Variants in SPATA7 observed in about 807,000 individuals in gnomAD.
SPATA7 encodes the protein spermatogenesis-associated protein 7.
SPATA7 carries 43 observed loss-of-function variants against 51.8 expected under a neutral mutation model. The observed-to-expected ratio is 0.83, with a 90% CI of 0.65 to 1.07. The LOEUF is 1.07. Among genes scored for constraint, SPATA7 ranks in the 50% least tolerant of loss-of-function variants. The pLI, the probability that SPATA7 is intolerant of heterozygous loss-of-function variation, is 0.00. For synonymous variants in SPATA7, 230 were observed against 252.8 expected, an observed-to-expected ratio of 0.91 and a Z score of 0.86; for missense variants, 683 against 701.3, an observed-to-expected ratio of 0.97 and a Z score of 0.30.
chr14:88,437,663 A>G lies in SPATA7; in HGVS notation c.1215+66A>G, dbSNP rs1323872748. On this transcript the variant is annotated intron_variant, in intron 11 of 11. Coordinates refer to ENST00000393545, the MANE Select transcript of SPATA7 (RefSeq NM_018418.5). ...TAAAAATAATTGTATGGTTTTTTTC[A>G]TACCTTCAAACAATACATTAAAAGC... 7 of 1,431,648 alleles carry G rather than the reference A, an allele frequency of 4.9e-6. No homozygotes were observed. The African/African-American group carries it at 7.1e-5, about 15-fold the overall frequency. The allele number at this position is 1,431,648 out of a possible 1,614,324, so 88.7% of individuals were successfully genotyped here.
At chr14:88,441,096 A>C (rs568983590), downstream of SPATA7, among the ~76,000 whole-genome samples, 8 of 152,002 alleles carry the variant, frequency 5.3e-5, no homozygotes, top group Admixed American at 1.3e-4. Context: ...TCCATTCCTG[A>C]GTTACTTCAC....
At chr14:88,425,896 G>T (rs549465962) in intron 5 of SPATA7, among the ~76,000 whole-genome samples, 2 of 152,256 alleles carry the variant, frequency 1.3e-5, no homozygotes, top group African/African-American at 4.8e-5. Context: ...AAGGGCATTG[G>T]TGCTCACAAT....
rs777169798 is a variant in SPATA7 at position 88,469,050 on chromosome 14, G to C, written c.255-797G>C. On this transcript the variant is annotated intron_variant, in intron 4 of 4. Coordinates refer to the SPATA7 transcript ENST00000556406. This position sits in a 1 kb window ranked among gnomAD's most constrained non-coding sequence, Gnocchi z 4.3. ...TCACTTGTGCTATTTGTATGGCGTC[G>C]AACAGACTGGATCTCTTCAAGATAT... 3.7e-6 allele frequency: 6 copies of C among 1,613,870 alleles called. No individual in the cohort carries two copies. The highest frequency in any genetic ancestry group is 5.1e-6 in the Non-Finnish European group (6 of 1,179,852).
At chr14:88,444,128 C>A (rs2077196324) in intron 3 of SPATA7, among the ~76,000 whole-genome samples, 1 of 151,946 alleles carries the variant, frequency 6.6e-6, no homozygotes, top group South Asian at 2.1e-4. Flanking sequence ...TATTTCTCCA[C>A]ATCCTCTCCA....
chr14:88,422,204 G>C (rs1467264527), intron 5 of SPATA7, among the ~76,000 whole-genome samples: 2 of 152,058 alleles, frequency 1.3e-5, no homozygotes, highest in Non-Finnish European at 2.9e-5. Context: ...GTAGACACTT[G>C]GATATAAGCA....
Position 88,445,360 on chromosome 14 carries a change from G to A in SPATA7, c.177+7457G>A, listed in dbSNP as rs748843075. ...TGTATCCAGAGACTTTGCTGAAGTT[G>A]CTTATCAGCTTAAGGAGATTTTGGG... On this transcript the variant is annotated intron_variant, in intron 3 of 3. Transcript: ENST00000554802. 1.3e-3 allele frequency among the ~76,000 whole-genome samples: 199 copies of A among 152,034 alleles called. 4 individuals carry two copies. In the Middle Eastern group the frequency reaches 0.031, roughly 23 times the overall value.
At chr14:88,461,336 T>C (rs992352001) in intron 4 of SPATA7, among the ~76,000 whole-genome samples, 1 of 152,216 alleles carries the variant, frequency 6.6e-6, no homozygotes, top group Non-Finnish European at 1.5e-5. Context: ...GCAGGCCTCC[T>C]TGAGCTGTGG....
At position 88,426,310 on chromosome 14, in the gene SPATA7, G is replaced by A. The variant is rs775560988; in HGVS notation, c.451G>A (p.Val151Ile). ...NGFSSFARSL[V>I]PSSERLHLSL... ...ATTTTCATCCTTTGCAAGGTCACTA[G>A]TACCCTCTTCAGAGAGACTACACCT... The change falls in exon 6 of 12, where the codon GTA becomes ATA. Residue 151 changes from valine to isoleucine, a missense_variant. Val to Ile is a conservative substitution (Grantham distance 29). Coordinates refer to ENST00000393545, the MANE Select transcript of SPATA7 (RefSeq NM_018418.5). The A allele has an allele frequency of 3.1e-6, 5 of 1,614,002 alleles. No homozygotes were observed. The South Asian group carries it at 4.4e-5, about 14-fold the overall frequency.
At chr14:88,442,496 T>C (rs2077184330), downstream of SPATA7, among the ~76,000 whole-genome samples, 1 of 152,160 alleles carries the variant, frequency 6.6e-6, no homozygotes, top group Admixed American at 6.6e-5. Context: ...GTTTTAATCA[T>C]AAAGGGATGC....
At chr14:88,458,245 ATG>A (rs2077297151), downstream of SPATA7, among the ~76,000 whole-genome samples, 2 of 152,190 alleles carry the variant, frequency 1.3e-5, no homozygotes, top group Non-Finnish European at 2.9e-5. Flanking sequence ...GCCTCATAAA[ATG>A]AGTTAGGGAG....
intron 4 of SPATA7, chr14:88,416,452 A>G (rs1205529578): frequency 3.8e-5 from 7 of 184,724 alleles, no homozygotes; most frequent in Admixed American, 1.6e-4. Context: ...AAATCTCACT[A>G]TATTGTTTGT....
chr14:88,414,927 G>C (rs965482949), intron 4 of SPATA7, among the ~76,000 whole-genome samples: 1 of 151,914 alleles, frequency 6.6e-6, no homozygotes, highest in African/African-American at 2.4e-5. Flanking sequence ...TATGTTTGGC[G>C]TGGTTTCAAT....
intron 4 of SPATA7, among the ~76,000 whole-genome samples, chr14:88,414,952 T>A (rs1414575993): frequency 6.6e-6 from 1 of 152,204 alleles, no homozygotes; most frequent in Non-Finnish European, 1.5e-5. Context: ...TTACATTTAT[T>A]GAAACTTGCT....
chr14:88,452,992 C>A (rs765690582), intron 3 of SPATA7, among the ~76,000 whole-genome samples: 1 of 152,134 alleles, frequency 6.6e-6, no homozygotes, highest in African/African-American at 2.4e-5. Flanking sequence ...ATTTAAATCC[C>A]AGACTGAATA....
intron 1 of SPATA7, 32 bp downstream of exon 1, chr14:88,385,869 C>G: frequency 6.3e-7 from 1 of 1,587,180 alleles, no homozygotes. Flanking sequence ...CTACCGCCGC[C>G]TCGCCCCTCG....
chr14:88,391,422 C>G lies in SPATA7; in HGVS notation c.61C>G (p.Leu21Val), dbSNP rs760263752. The part of the protein sequence containing the change: ...SVLPRYGPPC[L>V]FKGHLSTKSN... The stretch of plus-strand genomic sequence containing the variant: ...CCTTCCCAGATATGGTCCACCGTGC[C>G]TATTTAAAGGACACTTGAGCACCAA... The change falls in exon 2 of 12, where the codon CTA becomes GTA. Residue 21 changes from leucine to valine, a missense_variant. Transcript: ENST00000393545. 3.5e-5 allele frequency: 56 copies of G among 1,613,448 alleles called. 2 individuals carry two copies. The South Asian group carries it at 5.5e-4, about 16-fold the overall frequency.
chr14:88,431,319 C>A, intron 9 of SPATA7, 94 bp downstream of exon 9: 1 of 1,260,018 alleles, frequency 7.9e-7, no homozygotes, highest in Non-Finnish European at 1.2e-6. Context: ...GAACAATAAT[C>A]TCTTTTTTTA....
chr14:88,413,519 A>C (rs1260862312), intron 4 of SPATA7, among the ~76,000 whole-genome samples: 1 of 152,042 alleles, frequency 6.6e-6, no homozygotes, highest in Non-Finnish European at 1.5e-5. Context: ...CTACTTTTCC[A>C]ATTTGGATGT....
chr14:88,436,031 C>T (rs1221158853), intron 10 of SPATA7, among the ~76,000 whole-genome samples: 3 of 152,158 alleles, frequency 2.0e-5, no homozygotes, highest in Non-Finnish European at 4.4e-5. Context: ...TTCTTACCAA[C>T]AGTGTGCAAG....
Sources: allele counts gnomAD v4.1 joint callset (sites outside exome capture counted in the v4.1 genomes callset), GRCh38; gene constraint gnomAD v4.1.1; non-coding constraint Gnocchi (gnomAD v3.1); transcripts MANE v1.5; gene names NCBI Gene and HGNC (gene_info 2026-07-23, HGNC 2026-07-21).